The following DHRS3 variants were observed in gnomAD, a reference collection of about 807,000 sequenced individuals.
DHRS3 encodes the protein dehydrogenase/reductase 3.
In DHRS3, 14 loss-of-function variants were observed where a neutral mutation model predicts 27.2. The observed-to-expected ratio is 0.52, with a 90% CI of 0.34 to 0.81. The LOEUF (loss-of-function observed/expected upper bound fraction) is 0.81. DHRS3 is among the 30% of genes least tolerant of loss of function. DHRS3 has a pLI of 0.01. For synonymous variants in DHRS3, 165 were observed against 175.9 expected, an observed-to-expected ratio of 0.94 and a Z score of 0.49; for missense variants, 322 against 406.2, an observed-to-expected ratio of 0.79 and a Z score of 1.78.
intron 3 of DHRS3, 165 bp downstream of exon 3, chr1:12,579,128 A>G (rs1194666043): frequency 7.4e-7 from 1 of 1,345,710 alleles, no homozygotes; most frequent in Admixed American, 2.0e-5. Context: ...CATATTTCAC[A>G]AAGTCTGATG....
intron 1 of DHRS3, among the ~76,000 whole-genome samples, chr1:12,584,884 TG>T (rs1363975901): frequency 1.4e-4 from 21 of 152,128 alleles, no homozygotes; most frequent in Admixed American, 2.0e-4. Flanking sequence ...TGTAAGTGTG[TG>T]TGTGTGTGTG....
chr1:12,573,909 T>C (rs186105251), intron 4 of DHRS3, among the ~76,000 whole-genome samples: 1 of 152,350 alleles, frequency 6.6e-6, no homozygotes, highest in East Asian at 1.9e-4. Context: ...GCCAATGCTC[T>C]ATCACCTTTG....
Position 12,583,323 on chromosome 1 carries a change from TCATCCATC to T in DHRS3, c.196-2665_196-2658del, listed in dbSNP as rs533930418. ...TATCCACTCACCTACCCTACTCCAT[TCATCCATC>T]CATCCATCCATCCATCCATCCACCC... is the stretch of plus-strand genomic sequence containing the variant. On this transcript the variant is annotated intron_variant, in intron 1 of 5. Coordinates refer to ENST00000616661, the MANE Select transcript of DHRS3 (RefSeq NM_004753.7). Among the ~76,000 whole-genome samples the T allele has an allele frequency of 1.5e-3, 185 of 126,646 alleles. 1 individual carries two copies. Among genetic ancestry groups the T allele is most frequent in the African/African-American group, 5.1e-3 (172 of 33,984 alleles). 83.1% of individuals were successfully genotyped at this position (126,646 alleles called of 152,430 possible).
In DHRS3 at chr1:12,591,936, A is replaced by G. The variant is rs1646750123; in HGVS notation, c.196-11270T>C. Among the ~76,000 whole-genome samples the G allele has an allele frequency of 6.6e-6, 1 of 152,226 alleles. No homozygotes were observed. The highest frequency in any genetic ancestry group is 2.4e-5 in the African/African-American group (1 of 41,458). ...CGGTCTTGATGACCAAGTGGTTATGAAAGGCATGGCAGAGATGTTCCTTGC... is the reference window on the plus strand; with the variant it reads ...CGGTCTTGATGACCAAGTGGTTATGGAAGGCATGGCAGAGATGTTCCTTGC... On this transcript the variant is annotated intron_variant, in intron 1 of 5. Transcript: ENST00000616661. This position sits in a 1 kb window ranked among gnomAD's most constrained non-coding sequence, Gnocchi z 4.1.
intron 1 of DHRS3, among the ~76,000 whole-genome samples, chr1:12,611,480 T>A (rs1449658126): frequency 6.6e-6 from 1 of 151,866 alleles, no homozygotes; most frequent in Non-Finnish European, 1.5e-5. Flanking sequence ...GTTGAGGGAG[T>A]TTTGAATGGG....
In DHRS3 at chr1:12,617,399, TAC is replaced by T. The variant is rs747670261; in HGVS notation, c.-53_-52del. 1.9e-6 allele frequency: 3 copies of T among 1,542,524 alleles called. No homozygotes were observed. The South Asian group carries it at 3.6e-5, about 19-fold the overall frequency. On this transcript the variant is annotated 5_prime_UTR_variant, in exon 1 of 6. Coordinates refer to ENST00000616661, the MANE Select transcript of DHRS3 (RefSeq NM_004753.7). Reference sequence around the variant, plus strand: ...GGGCGAAACTCCCCGGGCCGAGCAATACAGGAATTAAAAAACACCCCGAACAA... The same window carrying T: ...GGGCGAAACTCCCCGGGCCGAGCAATAGGAATTAAAAAACACCCCGAACAA...
At chr1:12,583,493 T>TATCCATCCATCCATCCATCCATCCATCC (rs70987256) in intron 1 of DHRS3, among the ~76,000 whole-genome samples, 1 of 86,684 alleles carries the variant, frequency 1.2e-5, no homozygotes, top group African/African-American at 4.9e-5. Flanking sequence ...CTCACCTACT[T>TATCCATCCATCCATCCATCCATCCATCC]ATCCATCCAT....
chr1:12,572,658 C>T (rs1465647901), intron 5 of DHRS3, 70 bp downstream of exon 5: 4 of 1,545,638 alleles, frequency 2.6e-6, no homozygotes, highest in Non-Finnish European at 2.6e-6. Context: ...CTCATGCCCG[C>T]AGCAGACATG....
chr1:12,595,928 CCGCTCTTGCCCAGACCCGT>C (rs1646793399), intron 1 of DHRS3: 1 of 152,176 alleles, frequency 6.6e-6, no homozygotes, highest in African/African-American at 2.4e-5. Flanking sequence ...CCGGGACCGT[CCGCTCTTGCCCAGACCCGT>C]CGGTAAACAG....
intron 5 of DHRS3, among the ~76,000 whole-genome samples, chr1:12,572,222 C>T (rs760465203): frequency 6.6e-6 from 1 of 152,162 alleles, no homozygotes; most frequent in Non-Finnish European, 1.5e-5. Context: ...GGCTGGAGTG[C>T]AGTGGCACGA....
rs1270195730 is a variant in DHRS3, at chr1:12,591,238, C to T, written c.196-10572G>A. On this transcript the variant is annotated intron_variant, in intron 1 of 5. Coordinates refer to ENST00000616661, the MANE Select transcript of DHRS3 (RefSeq NM_004753.7). This position sits in a 1 kb window ranked among gnomAD's most constrained non-coding sequence, Gnocchi z 4.1. ...GCTGACCCCAGGAGGTCAGAGGTGACAGAAGCCACTGGGCCTGTCAGGGAC... is the reference window on the plus strand; with the variant it reads ...GCTGACCCCAGGAGGTCAGAGGTGATAGAAGCCACTGGGCCTGTCAGGGAC... Among the ~76,000 whole-genome samples, 1 of 152,248 alleles carries T rather than the reference C, an allele frequency of 6.6e-6. No individual in the cohort carries two copies. Among genetic ancestry groups the T allele is most frequent in the Non-Finnish European group, 1.5e-5 (1 of 68,042 alleles).
intron 1 of DHRS3, among the ~76,000 whole-genome samples, chr1:12,616,337 G>A (rs1013886909): frequency 1.3e-5 from 2 of 152,132 alleles, no homozygotes; most frequent in Non-Finnish European, 2.9e-5. Context: ...GCTGGGAGTT[G>A]GGTGACAGCC....
chr1:12,585,763 C>T lies in DHRS3; in HGVS notation c.196-5097G>A, dbSNP rs1267199024. Among the ~76,000 whole-genome samples the T allele has an allele frequency of 2.6e-5, 4 of 152,192 alleles. No homozygotes were observed. The South Asian group carries it at 8.3e-4, about 32-fold the overall frequency. ...CCCTGGAGGTGACCTGCACAGCTGA[C>T]AGGACAAGGGTCCCACCCAAGGCCA... On this transcript the variant is annotated intron_variant, in intron 1 of 5. Transcript: ENST00000616661.
At position 12,586,385 on chromosome 1, in the gene DHRS3, A is replaced by G. The variant is rs961584077; in HGVS notation, c.196-5719T>C. Among the ~76,000 whole-genome samples, 3 of 152,152 alleles carry G rather than the reference A, an allele frequency of 2.0e-5. No homozygotes were observed. The highest frequency in any genetic ancestry group is 2.0e-4 in the Admixed American group (3 of 15,284). On this transcript the variant is annotated intron_variant, in intron 1 of 5. Coordinates refer to ENST00000616661, the MANE Select transcript of DHRS3 (RefSeq NM_004753.7). The surrounding 1 kb of genome is among the most constrained non-coding windows in gnomAD (Gnocchi z 5.0). ...TGAGGGTTCCACTCTCCTCACATGC[A>G]ACCCCACGCCCCGCGTTCATCCCCA...
intron 4 of DHRS3, among the ~76,000 whole-genome samples, chr1:12,576,392 C>A (rs1646588363): frequency 6.6e-6 from 1 of 152,046 alleles, no homozygotes; most frequent in Admixed American, 6.6e-5. Flanking sequence ...GAAACCCTGT[C>A]TCTACCAAAA....
At chr1:12,582,152 G>T (rs981224508) in intron 1 of DHRS3, among the ~76,000 whole-genome samples, 1 of 152,098 alleles carries the variant, frequency 6.6e-6, no homozygotes, top group Non-Finnish European at 1.5e-5. Flanking sequence ...TTTGTTACAC[G>T]GTATAGAGAA....
At position 12,617,562 on chromosome 1, in the gene DHRS3, GA is replaced by G; in HGVS notation, c.-215del. 2.2e-6 allele frequency: 1 copy of G among 451,232 alleles called. No individual in the cohort carries two copies. The highest frequency in any genetic ancestry group is 3.8e-6 in the Non-Finnish European group (1 of 265,600). The allele number at this position is 451,232 out of a possible 1,614,324, so 28.0% of individuals were successfully genotyped here. A position where few individuals can be genotyped will look rare whatever the true frequency, so the allele number is the denominator to read the frequency against. On this transcript the variant is annotated 5_prime_UTR_variant, in exon 1 of 6. Transcript: ENST00000616661. ...AAAAGATAAATTCTCCTCTGGGGGAGAAAAAGCGTCTCCTAAGGTTGGGACG... is the reference window on the plus strand; with the variant it reads ...AAAAGATAAATTCTCCTCTGGGGGAGAAAAGCGTCTCCTAAGGTTGGGACG...
chr1:12,613,655 C>T (rs1003263034), intron 1 of DHRS3, among the ~76,000 whole-genome samples: 4 of 152,176 alleles, frequency 2.6e-5, no homozygotes, highest in East Asian at 1.9e-4. Context: ...GGGCTATCTA[C>T]CCACATGCTG....
chr1:12,578,325 T>C lies in DHRS3; in HGVS notation c.698+393A>G, dbSNP rs898582891. On this transcript the variant is annotated intron_variant, in intron 4 of 5. Coordinates refer to ENST00000616661, the MANE Select transcript of DHRS3 (RefSeq NM_004753.7). This position sits in a 1 kb window ranked among gnomAD's most constrained non-coding sequence, Gnocchi z 4.5. ...TAGAGGCTCCTTGGTGACTTTTTGTTTTGAGACAGGGTCTCACTCTCTCTC... is the reference window on the plus strand; with the variant it reads ...TAGAGGCTCCTTGGTGACTTTTTGTCTTGAGACAGGGTCTCACTCTCTCTC... Among the ~76,000 whole-genome samples the C allele has an allele frequency of 2.0e-5, 3 of 152,110 alleles. No individual in the cohort carries two copies. The highest frequency in any genetic ancestry group is 4.4e-5 in the Non-Finnish European group (3 of 68,014).
Sources: gnomAD v4.1 joint callset for allele counts (sites outside exome capture counted in the v4.1 genomes callset) on GRCh38, gnomAD v4.1.1 for gene constraint, Gnocchi (gnomAD v3.1) non-coding constraint, MANE v1.5 for transcripts, NCBI Gene and HGNC (gene_info 2026-07-23, HGNC 2026-07-21) for gene names.